ULK4: variants seen among roughly 807,000 people sequenced by gnomAD.
The protein encoded by ULK4 is unc-51 like kinase 4.
Under a neutral mutation model 160.6 loss-of-function variants are expected in ULK4, and 133 were observed. The observed-to-expected ratio is 0.83, with a 90% confidence interval of 0.72 to 0.96. The LOEUF (loss-of-function observed/expected upper bound fraction) is 0.96, where lower values mean the gene tolerates loss of function less well. Ranked by LOEUF, ULK4 falls within the 40% of genes least tolerant of loss-of-function variation. The probability of loss-of-function intolerance (pLI) is 0.00; values close to 1 mark genes in which losing one functional copy is unlikely to be tolerated. For synonymous variants in ULK4, 534 were observed against 539.8 expected, an observed-to-expected ratio of 0.99 and a Z score of 0.15; for missense variants, 1,580 against 1,499.5, an observed-to-expected ratio of 1.05 and a Z score of -0.89.
chr3:41,832,723 G>A (rs1575792294), intron 18 of ULK4, among the ~76,000 whole-genome samples: 1 of 152,310 alleles, frequency 6.6e-6, no homozygotes, highest in East Asian at 1.9e-4. Context: ...TGTATAAGGT[G>A]CAAGGAATGC....
intron 27 of ULK4, among the ~76,000 whole-genome samples, chr3:41,700,835 C>T (rs1196754952): frequency 1.3e-5 from 2 of 152,040 alleles, no homozygotes; most frequent in East Asian, 1.9e-4. Context: ...ATAAGTCACG[C>T]ACTAGAAAAT....
At chr3:41,306,446 G>A (rs184430586) in intron 35 of ULK4, among the ~76,000 whole-genome samples, 4,043 of 133,632 alleles carry the variant, frequency 0.03, 230 homozygotes, top group African/African-American at 0.11. Flanking sequence ...CCCTCTGCCC[G>A]GCCAGTGGCC....
intron 35 of ULK4, among the ~76,000 whole-genome samples, chr3:41,289,982 TCTC>T (rs2079531217): frequency 6.6e-6 from 1 of 152,114 alleles, no homozygotes. Context: ...TTCAAGAGAT[TCTC>T]CTGTCTCAGC....
intron 21 of ULK4, among the ~76,000 whole-genome samples, chr3:41,770,382 GAATTTTTCTGTAGGGCGGT>G (rs1219129764): frequency 2.0e-5 from 3 of 152,076 alleles, no homozygotes; most frequent in Non-Finnish European, 4.4e-5. Context: ...GTTGACTGGG[GAATTTTTCTGTAGGGCGGT>G]AACCACTTGT....
At chr3:41,398,800 T>C (rs972990756) in intron 34 of ULK4, among the ~76,000 whole-genome samples, 1 of 152,082 alleles carries the variant, frequency 6.6e-6, no homozygotes, top group African/African-American at 2.4e-5. Flanking sequence ...AAGTTTTTTT[T>C]ATTATTTTAT....
intron 30 of ULK4, among the ~76,000 whole-genome samples, chr3:41,642,438 T>G (rs1424417721): frequency 1.3e-5 from 2 of 151,768 alleles, no homozygotes; most frequent in Non-Finnish European, 2.9e-5. Context: ...GAACATGCAG[T>G]GTTTGGTTTT....
chr3:41,662,225 T>C (rs1373873211), intron 30 of ULK4, among the ~76,000 whole-genome samples: 4 of 152,312 alleles, frequency 2.6e-5, no homozygotes, highest in African/African-American at 4.8e-5. Context: ...TAAAAGGCTA[T>C]AGAAACACTG....
chr3:41,923,922 T>C (rs1279401926), intron 5 of ULK4, among the ~76,000 whole-genome samples: 1 of 152,182 alleles, frequency 6.6e-6, no homozygotes, highest in Admixed American at 6.5e-5. Context: ...TATTGATTTA[T>C]ATAACTTTTC....
intron 19 of ULK4, among the ~76,000 whole-genome samples, chr3:41,805,813 C>G (rs1159118312): frequency 2.0e-5 from 3 of 147,034 alleles, no homozygotes; most frequent in Admixed American, 6.8e-5. Context: ...TTGAACCAGC[C>G]TTGCATCCCA....
intron 1 of ULK4, among the ~76,000 whole-genome samples, chr3:41,959,793 T>C (rs1307576687): frequency 1.3e-5 from 2 of 152,022 alleles, no homozygotes. Flanking sequence ...TAGCCTGGCA[T>C]GGTGGTGCAT....
rs868072353 is a variant in ULK4 at position 41,574,531 on chromosome 3, C to T, written c.3121-8401G>A. On this transcript the variant is annotated intron_variant, in intron 31 of 36. Transcript: ENST00000301831. ...CCTCCACTACTGCTACCAGAGTCCT[C>T]TTTTTTTTTTTTTTTTTTTTTTTTT... Among the ~76,000 whole-genome samples, 100 of 92,118 alleles carry T rather than the reference C, an allele frequency of 1.1e-3. 4 individuals carry two copies. The highest frequency in any genetic ancestry group is 1.6e-3 in the South Asian group (4 of 2,470). The allele number at this position is 92,118 out of a possible 152,430, so 60.4% of individuals were successfully genotyped here. A position where few individuals can be genotyped will look rare whatever the true frequency, so the allele number is the denominator to read the frequency against.
chr3:41,458,222 G>A (rs2083599707), intron 33 of ULK4, among the ~76,000 whole-genome samples: 1 of 152,138 alleles, frequency 6.6e-6, no homozygotes. Flanking sequence ...ACATTTAGTA[G>A]CCTTAAACAT....
chr3:41,683,875 T>C (rs2036006741), intron 27 of ULK4, among the ~76,000 whole-genome samples: 1 of 152,138 alleles, frequency 6.6e-6, no homozygotes, highest in African/African-American at 2.4e-5. Flanking sequence ...AAGGGAAGGC[T>C]GTGGACTTTG....
Position 41,470,675 on chromosome 3 carries a change from G to A in ULK4, c.3227-7422C>T, listed in dbSNP as rs1443170979. ...CAGCTAAAATAAACTGTTAATAAAT[G>A]CATATTACAAAATGATGTAAATTCT... On this transcript the variant is annotated intron_variant, in intron 32 of 36. Transcript: ENST00000301831. 2.0e-5 allele frequency among the ~76,000 whole-genome samples: 3 copies of A among 152,028 alleles called. No homozygotes were observed. In the East Asian group the frequency reaches 5.8e-4, roughly 29 times the overall value.
At chr3:41,428,871 G>A (rs186541103) in intron 34 of ULK4, among the ~76,000 whole-genome samples, 76 of 152,112 alleles carry the variant, frequency 5.0e-4, no homozygotes, top group Non-Finnish European at 9.4e-4. Context: ...TGACAAAAAC[G>A]TCAAAAGCTA....
At chr3:41,655,702 T>A (rs1198447277) in intron 30 of ULK4, among the ~76,000 whole-genome samples, 1 of 152,140 alleles carries the variant, frequency 6.6e-6, no homozygotes, top group Non-Finnish European at 1.5e-5. Context: ...TGAATGAATT[T>A]ATTACATAGC....
chr3:41,445,652 G>C (rs62259308), intron 34 of ULK4, among the ~76,000 whole-genome samples: 37,904 of 152,086 alleles, frequency 0.25, 4,998 homozygotes, highest in African/African-American at 0.32. Context: ...AAATGGTGCT[G>C]GGGAAACTGG....
chr3:41,570,703 C>CA (rs2087941874), intron 31 of ULK4, among the ~76,000 whole-genome samples: 2 of 152,288 alleles, frequency 1.3e-5, no homozygotes, highest in Admixed American at 1.3e-4. Flanking sequence ...GCCAATACTC[C>CA]AGCTTTTCCT....
intron 32 of ULK4, among the ~76,000 whole-genome samples, chr3:41,520,379 TC>T: frequency 6.6e-6 from 1 of 152,350 alleles, no homozygotes; most frequent in South Asian, 2.1e-4. Context: ...TAATGTATTT[TC>T]TATCTCACTT....
Sources: allele counts gnomAD v4.1 joint callset (sites outside exome capture counted in the v4.1 genomes callset), GRCh38; gene constraint gnomAD v4.1.1; transcripts MANE v1.5; gene names NCBI Gene and HGNC (gene_info 2026-07-23, HGNC 2026-07-21).